Variants in PID1 observed in about 807,000 individuals in gnomAD.
PID1 encodes PTB-containing, cubilin and LRP1-interacting protein.
A neutral mutation model predicts 19.1 loss-of-function variants in PID1; 10 were observed. The ratio of observed to expected loss-of-function variants is 0.52; its 90% CI spans 0.32 to 0.89. The LOEUF (loss-of-function observed/expected upper bound fraction) is 0.89, where lower values mean the gene tolerates loss of function less well. Ranked by LOEUF, PID1 falls within the 40% of genes least tolerant of loss-of-function variation. The pLI is 0.03. For missense variants in PID1, 248 were observed against 285.3 expected, an observed-to-expected ratio of 0.87 and a Z score of 0.94; for synonymous variants, 130 against 116.0, an observed-to-expected ratio of 1.12 and a Z score of -0.78.
At chr2:229,241,527 G>GA (rs1485056768) in intron 1 of PID1, among the ~76,000 whole-genome samples, 2 of 152,058 alleles carry the variant, frequency 1.3e-5, no homozygotes, top group Non-Finnish European at 2.9e-5. Context: ...AAAACAGAAT[G>GA]AAAAAGTATT....
chr2:229,177,258 T>A (rs765435573), intron 1 of PID1, among the ~76,000 whole-genome samples: 7 of 152,118 alleles, frequency 4.6e-5, no homozygotes, highest in Non-Finnish European at 8.8e-5. Context: ...CAGCCAACCA[T>A]ATCGCCTCCC....
At chr2:229,132,808 G>A (rs992835836) in intron 2 of PID1, among the ~76,000 whole-genome samples, 1 of 152,052 alleles carries the variant, frequency 6.6e-6, no homozygotes, top group South Asian at 2.1e-4. Flanking sequence ...TTATTAAATA[G>A]GTATATTACA....
intron 2 of PID1, among the ~76,000 whole-genome samples, chr2:229,029,237 T>C (rs1270549389): frequency 6.7e-6 from 1 of 150,098 alleles, no homozygotes; most frequent in African/African-American, 2.5e-5. Flanking sequence ...AAAAAAAGCT[T>C]TAAAAAAATA....
At chr2:229,234,187 C>T (rs1692274931) in intron 1 of PID1, among the ~76,000 whole-genome samples, 1 of 152,034 alleles carries the variant, frequency 6.6e-6, no homozygotes, top group Non-Finnish European at 1.5e-5. Flanking sequence ...ACAAATAAAA[C>T]CTAAAACCAT....
rs533861507 is a variant in PID1, at chr2:229,034,636, C to T, written c.178-8528G>A. On this transcript the variant is annotated intron_variant, in intron 2 of 2. Coordinates refer to ENST00000392055, the MANE Select transcript of PID1 (RefSeq NM_001100818.2). Reference sequence around the variant, plus strand: ...AGGAGTTGCAGGGTCCTCCATCAGTCTTCCTGTACCCTGGAGACACCCATA... The same window carrying T: ...AGGAGTTGCAGGGTCCTCCATCAGTTTTCCTGTACCCTGGAGACACCCATA... Among the ~76,000 whole-genome samples, 5 of 152,210 alleles carry T rather than the reference C, an allele frequency of 3.3e-5. No individual in the cohort carries two copies. The South Asian group carries it at 1.0e-3, about 32-fold the overall frequency.
intron 2 of PID1, among the ~76,000 whole-genome samples, chr2:229,115,807 G>C (rs1280317696): frequency 6.6e-6 from 1 of 152,140 alleles, no homozygotes; most frequent in Non-Finnish European, 1.5e-5. Flanking sequence ...AAACAGTATT[G>C]ACTTCAAGTT....
chr2:229,113,964 G>A (rs1349000055), intron 2 of PID1, among the ~76,000 whole-genome samples: 1 of 152,134 alleles, frequency 6.6e-6, no homozygotes, highest in Non-Finnish European at 1.5e-5. Context: ...CATAATGGGA[G>A]TCAGTCTCAC....
chr2:229,131,196 T>A (rs769679293), intron 2 of PID1, among the ~76,000 whole-genome samples: 31 of 151,968 alleles, frequency 2.0e-4, no homozygotes, highest in Non-Finnish European at 4.1e-4. Context: ...AAATACTACA[T>A]TTTTCTTTTC....
intron 2 of PID1, among the ~76,000 whole-genome samples, chr2:229,138,649 A>G (rs1574658437): frequency 1.3e-5 from 2 of 152,124 alleles, no homozygotes; most frequent in South Asian, 2.1e-4. Context: ...TCACTTCTTC[A>G]TTCCCAACAT....
chr2:229,174,870 G>A (rs1690786775), intron 1 of PID1, among the ~76,000 whole-genome samples: 1 of 152,154 alleles, frequency 6.6e-6, no homozygotes, highest in African/African-American at 2.4e-5. Flanking sequence ...CAACTTCTTT[G>A]ATACTCCTAC....
chr2:229,072,738 T>G (rs1389238090), intron 2 of PID1, among the ~76,000 whole-genome samples: 6 of 152,242 alleles, frequency 3.9e-5, no homozygotes, highest in Non-Finnish European at 8.8e-5. Flanking sequence ...TTCGCTGTTT[T>G]CAAAGCCAAG....
chr2:229,124,075 C>G (rs913749271), intron 2 of PID1, among the ~76,000 whole-genome samples: 1 of 152,038 alleles, frequency 6.6e-6, no homozygotes, highest in African/African-American at 2.4e-5. Context: ...GAAGGCAGCA[C>G]GAGAGACCTT....
chr2:229,123,095 T>G (rs1695555475), intron 2 of PID1, among the ~76,000 whole-genome samples: 1 of 152,152 alleles, frequency 6.6e-6, no homozygotes, highest in African/African-American at 2.4e-5. Flanking sequence ...CAGAGTTGCG[T>G]GATCATCACC....
At chr2:229,208,284 G>C (rs966019870) in intron 1 of PID1, among the ~76,000 whole-genome samples, 2 of 152,144 alleles carry the variant, frequency 1.3e-5, no homozygotes, top group African/African-American at 4.8e-5. Flanking sequence ...CAATCACTAT[G>C]AACAGCCTTC....
At chr2:229,183,054 G>A (rs1378927299) in intron 1 of PID1, among the ~76,000 whole-genome samples, 1 of 152,200 alleles carries the variant, frequency 6.6e-6, no homozygotes, top group East Asian at 1.9e-4. Flanking sequence ...TTTGGAAATA[G>A]GGTCTTTGCA....
At position 229,210,126 on chromosome 2, in the gene PID1, G is replaced by A. The variant is rs372591762; in HGVS notation, c.31-54162C>T. Among the ~76,000 whole-genome samples, 5 of 148,390 alleles carry A rather than the reference G, an allele frequency of 3.4e-5. No homozygotes were observed. In the South Asian group the frequency reaches 6.3e-4, roughly 19 times the overall value. The stretch of plus-strand genomic sequence containing the variant: ...CTGAGATGGTTTAGTATCAGACAGC[G>A]ACTACTTGAACTTAAAAAAAAAAAA... On this transcript the variant is annotated intron_variant, in intron 1 of 2. Transcript: ENST00000392055.
chr2:229,206,117 T>C (rs1691604081), intron 1 of PID1, among the ~76,000 whole-genome samples: 3 of 152,096 alleles, frequency 2.0e-5, no homozygotes, highest in African/African-American at 7.2e-5. Context: ...CCAAAAAATA[T>C]AAGTATACAC....
intron 2 of PID1, among the ~76,000 whole-genome samples, chr2:229,147,407 G>T (rs1165167164): frequency 6.6e-6 from 1 of 151,960 alleles, no homozygotes; most frequent in Non-Finnish European, 1.5e-5. Flanking sequence ...AAGCAAAAAA[G>T]TAGGAAAATC....
chr2:229,036,529 T>A (rs1693667004), intron 2 of PID1, among the ~76,000 whole-genome samples: 1 of 151,984 alleles, frequency 6.6e-6, no homozygotes, highest in African/African-American at 2.4e-5. Context: ...GGCAGGCAGA[T>A]CATGATGTCA....
Sources: allele counts gnomAD v4.1 joint callset (sites outside exome capture counted in the v4.1 genomes callset), GRCh38; gene constraint gnomAD v4.1.1; transcripts MANE v1.5; gene names NCBI Gene and HGNC (gene_info 2026-07-23, HGNC 2026-07-21).